Variants in EIF3D observed in about 807,000 individuals in gnomAD.
EIF3D encodes eukaryotic translation initiation factor 3 subunit D, also known as eIF3 p66.
Under a neutral mutation model 75.4 loss-of-function variants are expected in EIF3D, and 10 were observed. The observed-to-expected ratio is 0.13, with a 90% CI of 0.08 to 0.22. The LOEUF is 0.22. Ranked by LOEUF, EIF3D falls within the 10% of genes least tolerant of loss-of-function variation. The pLI is 1.00. For synonymous variants in EIF3D, 246 were observed against 248.3 expected (o/e 0.99, Z 0.09); for missense variants, 394 against 708.0 (o/e 0.56, Z 5.03).
rs555447925 is a variant in EIF3D at position 36,516,844 on chromosome 22, G to A, written c.991-54C>T. On this transcript the variant is annotated intron_variant, in intron 10 of 14. Coordinates refer to ENST00000216190, the MANE Select transcript of EIF3D (RefSeq NM_003753.4). ...AGCTAACTTTGTTGACAAGGCCAAGGCCAATCAGTCAGACCCAGCACCTCT... is the reference window on the plus strand; with the variant it reads ...AGCTAACTTTGTTGACAAGGCCAAGACCAATCAGTCAGACCCAGCACCTCT... 13 of 1,530,920 alleles carry A rather than the reference G, an allele frequency of 8.5e-6. No individual in the cohort carries two copies. The African/African-American group carries it at 1.2e-4, about 14-fold the overall frequency. The allele number at this position is 1,530,920 out of a possible 1,614,324, so 94.8% of individuals were successfully genotyped here.
intron 7 of EIF3D, among the ~76,000 whole-genome samples, chr22:36,520,078 CTCATT>C (rs1382098272): frequency 6.6e-6 from 1 of 152,116 alleles, no homozygotes; most frequent in Admixed American, 6.6e-5. Context: ...AGTTGTATAA[CTCATT>C]TCTTCTTTCC....
At chr22:36,517,224 T>G in intron 10 of EIF3D, 77 bp downstream of exon 10, 1 of 1,601,066 alleles carries the variant, frequency 6.2e-7, no homozygotes, top group Non-Finnish European at 8.5e-7. Flanking sequence ...ACCAAGAGCC[T>G]AGCACAAAGC....
In EIF3D at chr22:36,518,929, A is replaced by G. The variant is rs2063594004; in HGVS notation, c.712-19T>C. The G allele has an allele frequency of 3.1e-6, 5 of 1,612,988 alleles. No homozygotes were observed. The South Asian group carries it at 5.5e-5, about 18-fold the overall frequency. ...TTGCCAGCTGCAAAGAGGATCAAAG[A>G]GAGAAGATGGAAAGACACTCCCAGG... On this transcript the variant is annotated intron_variant, in intron 8 of 14. Transcript: ENST00000216190.
At chr22:36,516,996 C>T in intron 10 of EIF3D, 1 of 616,998 alleles carries the variant, frequency 1.6e-6, no homozygotes, top group South Asian at 2.0e-5. Flanking sequence ...GACTTAGTAA[C>T]CATGCTCATC....
intron 14 of EIF3D, 71 bp downstream of exon 14, chr22:36,511,432 A>G: frequency 1.3e-6 from 2 of 1,580,166 alleles, no homozygotes; most frequent in Non-Finnish European, 1.7e-6. Flanking sequence ...AAAGATCACA[A>G]TGGCTACAGA....
At chr22:36,511,336 A>G (rs1287140338) in intron 14 of EIF3D, among the ~76,000 whole-genome samples, 167 bp downstream of exon 14, 1 of 152,198 alleles carries the variant, frequency 6.6e-6, no homozygotes, top group Non-Finnish European at 1.5e-5. Flanking sequence ...GATGTGATCT[A>G]AAGGCTCTAG....
intron 1 of EIF3D, among the ~76,000 whole-genome samples, chr22:36,528,166 T>C (rs1249535128): frequency 2.6e-5 from 4 of 152,088 alleles, no homozygotes. Context: ...GCTGACCTCA[T>C]CATTTCAAAA....
At chr22:36,511,905 T>G in intron 13 of EIF3D, 119 bp from the exon 14 acceptor site, 1 of 1,436,336 alleles carries the variant, frequency 7.0e-7, no homozygotes, top group Non-Finnish European at 9.1e-7. Context: ...TTTTTTTTTT[T>G]TTTGAGACGG....
In EIF3D at chr22:36,512,588, A is replaced by C. The variant is rs759916539; in HGVS notation, c.1221T>G (p.Val407=). ...NEWDSRHCNG[V]DWRQKLDSQR... The stretch of plus-strand genomic sequence containing the variant: ...GAGAGTCCAGCTTCTGACGCCAGTC[A>C]ACGCCATTACAGTGCTGCAGGAGAG... Residue 407 remains valine, a synonymous_variant, in exon 13 of 15, where the codon GTT becomes GTG. Coordinates refer to ENST00000216190, the MANE Select transcript of EIF3D (RefSeq NM_003753.4). 6.2e-7 allele frequency: 1 copy of C among 1,614,096 alleles called. No individual in the cohort carries two copies. The highest frequency in any genetic ancestry group is 2.2e-5 in the East Asian group (1 of 44,878).
chr22:36,511,600 G>A lies in EIF3D; in HGVS notation c.1536C>T (p.Pro512=), dbSNP rs778163953. ...TGTAGACACGGATGACCTGCTTGTT[G>A]GGGTCCTTGAGGATGAGGTATTTGC... ...EEGKYLILKD[P]NKQVIRVYSL... The change falls in exon 14 of 15, where the codon CCC becomes CCT. Residue 512 remains proline, a synonymous_variant. Transcript: ENST00000216190. 9.9e-6 allele frequency: 16 copies of A among 1,614,088 alleles called. No individual in the cohort carries two copies. The highest frequency in any genetic ancestry group is 1.3e-5 in the Non-Finnish European group (15 of 1,180,016).
At chr22:36,525,126 T>C (rs1346743651) in intron 3 of EIF3D, among the ~76,000 whole-genome samples, 5 of 152,116 alleles carry the variant, frequency 3.3e-5, no homozygotes. Flanking sequence ...TTCTTGCCAA[T>C]CTCAGCCTCA....
chr22:36,512,839 TGATG>T (rs1490057838), intron 12 of EIF3D: 5 of 490,082 alleles, frequency 1.0e-5, no homozygotes, highest in South Asian at 7.2e-5. Context: ...AGACAGGGAA[TGATG>T]GATGGACACA....
intron 1 of EIF3D, among the ~76,000 whole-genome samples, chr22:36,526,562 C>T (rs1934604604): frequency 6.6e-6 from 1 of 151,876 alleles, no homozygotes; most frequent in Non-Finnish European, 1.5e-5. Flanking sequence ...ATACCTTCAC[C>T]AATTCATACA....
At chr22:36,528,145 C>T (rs556118799) in intron 1 of EIF3D, among the ~76,000 whole-genome samples, 1 of 152,218 alleles carries the variant, frequency 6.6e-6, no homozygotes, top group South Asian at 2.1e-4. Context: ...GAAGCTCAGC[C>T]TACTCAAGCA....
At position 36,517,431 on chromosome 22, in the gene EIF3D, T is replaced by C; in HGVS notation, c.860A>G (p.Asp287Gly). 1 of 1,606,918 alleles carries C rather than the reference T, an allele frequency of 6.2e-7. No homozygotes were observed. The highest frequency in any genetic ancestry group is 8.5e-7 in the Non-Finnish European group (1 of 1,177,114). ...FFDKRDNSDF[D>G]LLTVSETANE... Reference sequence around the variant, plus strand: ...GGCAGTCTCACTCACTGTCAGGAGGTCTGCAAAAGCGTGGCATGGTCACTC... The same window carrying C: ...GGCAGTCTCACTCACTGTCAGGAGGCCTGCAAAAGCGTGGCATGGTCACTC... The change falls in exon 10 of 15, where the codon GAC (aspartate) becomes GGC (glycine). Residue 287 changes from aspartate (D) to glycine (G), a missense_variant and splice_region_variant. By Grantham distance (94) the Asp-to-Gly change is moderately conservative (BLOSUM62 -1). Coordinates refer to ENST00000216190, the MANE Select transcript of EIF3D (RefSeq NM_003753.4).
intron 6 of EIF3D, among the ~76,000 whole-genome samples, chr22:36,521,603 A>C (rs1469596837): frequency 6.6e-6 from 1 of 152,130 alleles, no homozygotes; most frequent in Non-Finnish European, 1.5e-5. Context: ...TATAATTCAA[A>C]GGACTCTTAT....
chr22:36,514,305 G>A (rs1934388874), intron 12 of EIF3D, among the ~76,000 whole-genome samples: 1 of 152,096 alleles, frequency 6.6e-6, no homozygotes, highest in Admixed American at 6.6e-5. Flanking sequence ...CCTGGGATGG[G>A]CAGAATTCTA....
intron 7 of EIF3D, among the ~76,000 whole-genome samples, chr22:36,519,971 C>G (rs1320388294): frequency 6.6e-6 from 1 of 152,190 alleles, no homozygotes; most frequent in African/African-American, 2.4e-5. Context: ...AGTTTTATAA[C>G]TTAATCTTAT....
intron 14 of EIF3D, 155 bp from the exon 15 acceptor site, chr22:36,511,155 C>A: frequency 1.0e-6 from 1 of 958,678 alleles, no homozygotes; most frequent in Non-Finnish European, 1.5e-6. Flanking sequence ...GCAGGTATTT[C>A]CTTCAGTCAC....
Sources: gnomAD v4.1 joint callset for allele counts (sites outside exome capture counted in the v4.1 genomes callset) on GRCh38, gnomAD v4.1.1 for gene constraint, MANE v1.5 for transcripts, NCBI Gene and HGNC (gene_info 2026-07-23, HGNC 2026-07-21) for gene names.